FSD2: variants seen among roughly 807,000 people sequenced by gnomAD.
The protein encoded by FSD2 is fibronectin type III and SPRY domain-containing protein 2.
Under a neutral mutation model 80.4 loss-of-function variants are expected in FSD2, and 71 were observed. That is an observed-to-expected ratio of 0.88 (90% CI 0.73 to 1.08). FSD2 has a LOEUF of 1.08. FSD2 is among the 50% of genes least tolerant of loss of function. The pLI, the probability that FSD2 is intolerant of heterozygous loss-of-function variation, is 0.00. For missense variants in FSD2, 923 were observed against 913.8 expected, an observed-to-expected ratio of 1.01 and a Z score of -0.13; for synonymous variants, 361 against 329.5, an observed-to-expected ratio of 1.10 and a Z score of -1.03.
intron 1 of FSD2, among the ~76,000 whole-genome samples, chr15:82,792,645 T>TTTG (rs1219675270): frequency 6.6e-6 from 1 of 152,224 alleles, no homozygotes; most frequent in Admixed American, 6.5e-5. Context: ...ATCTATTTTT[T>TTTG]TTGTTGTTGT....
intron 4 of FSD2, among the ~76,000 whole-genome samples, chr15:82,780,794 A>C (rs2049837635): frequency 6.6e-6 from 1 of 152,134 alleles, no homozygotes; most frequent in Non-Finnish European, 1.5e-5. Context: ...AAACTTGGAA[A>C]TTAGGAAAAA....
intron 12 of FSD2, among the ~76,000 whole-genome samples, chr15:82,761,050 G>A (rs1475021405): frequency 2.6e-5 from 4 of 152,232 alleles, no homozygotes; most frequent in Admixed American, 2.6e-4. Context: ...CAAACTGGGT[G>A]TGAGGTTTAG....
intron 1 of FSD2, among the ~76,000 whole-genome samples, chr15:82,789,354 T>TATTATAATA (rs71451660): frequency 2.0e-5 from 3 of 148,890 alleles, no homozygotes; most frequent in Non-Finnish European, 4.5e-5. Flanking sequence ...TCTAGAAGGA[T>TATTATAATA]ATAATAATAA....
chr15:82,803,037 T>A (rs1406624906), intron 1 of FSD2, among the ~76,000 whole-genome samples: 1 of 152,010 alleles, frequency 6.6e-6, no homozygotes, highest in African/African-American at 2.4e-5. Flanking sequence ...TGAGACACAG[T>A]TGCTGGTGTC....
chr15:82,766,748 A>AG (rs1567300837), intron 9 of FSD2, among the ~76,000 whole-genome samples: 1 of 152,076 alleles, frequency 6.6e-6, no homozygotes, highest in East Asian at 1.9e-4. Flanking sequence ...CAAAAAAAAA[A>AG]AAAAAAAGGT....
At chr15:82,803,542 C>T (rs921813788) in intron 1 of FSD2, among the ~76,000 whole-genome samples, 2 of 152,070 alleles carry the variant, frequency 1.3e-5, no homozygotes, top group African/African-American at 4.8e-5. Flanking sequence ...CTCAGACTGT[C>T]CTGCCTGCTG....
intron 5 of FSD2, among the ~76,000 whole-genome samples, chr15:82,779,515 A>G (rs754416304): frequency 6.6e-6 from 1 of 152,040 alleles, no homozygotes; most frequent in Non-Finnish European, 1.5e-5. Flanking sequence ...AAATACAAAA[A>G]AATTAGCCAG....
intron 6 of FSD2, among the ~76,000 whole-genome samples, 179 bp from the exon 7 acceptor site, chr15:82,772,407 C>A (rs187354266): frequency 3.9e-4 from 60 of 152,188 alleles, no homozygotes; most frequent in African/African-American, 1.4e-3. Flanking sequence ...CTGCAAAATA[C>A]AACCAGTATA....
At chr15:82,769,554 G>T (rs1030677809) in intron 8 of FSD2, among the ~76,000 whole-genome samples, 196 bp downstream of exon 8, 1 of 150,144 alleles carries the variant, frequency 6.7e-6, no homozygotes, top group Non-Finnish European at 1.5e-5. Context: ...CAGCCTGGGC[G>T]GGACTCATCT....
chr15:82,775,306 G>A (rs1036532941), intron 6 of FSD2, among the ~76,000 whole-genome samples: 23 of 151,764 alleles, frequency 1.5e-4, no homozygotes, highest in Non-Finnish European at 2.8e-4. Context: ...GCTGAGGCAG[G>A]AGAATCGCTG....
At chr15:82,798,314 C>T (rs1352531738) in intron 1 of FSD2, among the ~76,000 whole-genome samples, 1 of 152,082 alleles carries the variant, frequency 6.6e-6, no homozygotes, top group Non-Finnish European at 1.5e-5. Context: ...CACTGCACTC[C>T]AGCCTGGGTG....
chr15:82,788,449 G>A (rs1464236237), intron 1 of FSD2, among the ~76,000 whole-genome samples: 3 of 141,010 alleles, frequency 2.1e-5, no homozygotes, highest in Non-Finnish European at 4.5e-5. Flanking sequence ...TGGTTGCAGT[G>A]AGCCTAAATC....
Position 82,765,197 on chromosome 15 carries a change from C to T in FSD2, c.1789G>A (p.Glu597Lys), listed in dbSNP as rs773915508. ...VRSERRTPAR[E>K]LSPSDTHFTR... ...AAGTGAGTGTCGCTGGGTGACAGCT[C>T]CCTGGCGGGGGTTCTCCTTTCACTT... Residue 597 changes from glutamate to lysine, a missense_variant, in exon 11 of 13, where the codon GAG (glutamate) becomes AAG (lysine). Transcript: ENST00000334574. 11 of 1,606,318 alleles carry T rather than the reference C, an allele frequency of 6.8e-6. No homozygotes were observed. The South Asian group carries it at 1.1e-4, about 16-fold the overall frequency.
At chr15:82,797,626 C>T (rs908312919) in intron 1 of FSD2, among the ~76,000 whole-genome samples, 13 of 152,042 alleles carry the variant, frequency 8.6e-5, no homozygotes, top group Non-Finnish European at 1.2e-4. Flanking sequence ...CTGGCTAACA[C>T]GGTGAAACCC....
At chr15:82,772,363 A>G in intron 6 of FSD2, 135 bp from the exon 7 acceptor site, 1 of 846,440 alleles carries the variant, frequency 1.2e-6, no homozygotes, top group East Asian at 2.7e-5. Flanking sequence ...CAGAGTAGAC[A>G]AGGATGGGGA....
At chr15:82,804,179 T>C (rs1486564455) in intron 1 of FSD2, among the ~76,000 whole-genome samples, 2 of 151,996 alleles carry the variant, frequency 1.3e-5, no homozygotes, top group Admixed American at 1.3e-4. Flanking sequence ...GGAATATTTG[T>C]CCCTTGAAAA....
At chr15:82,785,766 A>G (rs933975819) in intron 3 of FSD2, among the ~76,000 whole-genome samples, 1 of 152,206 alleles carries the variant, frequency 6.6e-6, no homozygotes, top group African/African-American at 2.4e-5. Context: ...AGTCAACATT[A>G]TAGGTACCCC....
At chr15:82,764,556 G>A (rs371698316) in intron 11 of FSD2, among the ~76,000 whole-genome samples, 5 of 140,108 alleles carry the variant, frequency 3.6e-5, no homozygotes, top group Admixed American at 1.5e-4. Context: ...GTGTAGTGGC[G>A]CCATCTCCGC....
chr15:82,778,757 G>C lies in FSD2; in HGVS notation c.1111+9C>G, dbSNP rs750260991. ...GAACCTGCCGCGAAGTACACACACA[G>C]GTGAGCACCTGGAATGGTGTTAATG... On this transcript the variant is annotated intron_variant, in intron 6 of 12. Transcript: ENST00000334574. 70 of 1,603,644 alleles carry C rather than the reference G, an allele frequency of 4.4e-5. No individual in the cohort carries two copies. Among genetic ancestry groups the C allele is most frequent in the Non-Finnish European group, 6.0e-5 (70 of 1,174,766 alleles).
Sources: allele counts gnomAD v4.1 joint callset (sites outside exome capture counted in the v4.1 genomes callset), GRCh38; gene constraint gnomAD v4.1.1; transcripts MANE v1.5; gene names NCBI Gene and HGNC (gene_info 2026-07-23, HGNC 2026-07-21).